The following DAZAP2 variants were observed in gnomAD, a reference collection of about 807,000 sequenced individuals.
DAZAP2 encodes the protein DAZ associated protein 2.
In DAZAP2, 3 loss-of-function variants were observed where a neutral mutation model predicts 16.2. The ratio of observed to expected loss-of-function variants is 0.19; its 90% CI spans 0.08 to 0.48. DAZAP2 has a LOEUF of 0.48. DAZAP2 is among the 20% of genes least tolerant of loss of function. The pLI is 0.98. For missense variants in DAZAP2, 172 were observed against 215.9 expected (o/e 0.80, Z 1.27); for synonymous variants, 69 against 77.6 (o/e 0.89, Z 0.58).
Position 51,238,977 on chromosome 12 carries a change from C to T in DAZAP2, c.13+57C>T, listed in dbSNP as rs919264342. 8.7e-6 allele frequency: 14 copies of T among 1,604,280 alleles called. No homozygotes were observed. In the Admixed American group the frequency reaches 1.2e-4, roughly 14 times the overall value. ...GGGAGTACTGCTGGCCCAGAGCGAG[C>T]GGATTCGGAGCCCAGGGTCACCAAA... is the stretch of plus-strand genomic sequence containing the variant. On this transcript the variant is annotated intron_variant, in intron 1 of 3. Coordinates refer to ENST00000412716, the MANE Select transcript of DAZAP2 (RefSeq NM_014764.4).
At chr12:51,246,604 C>CTGTGTGTGTGTGTGTGTGTG (rs59561227), downstream of DAZAP2, 13 of 338,116 alleles carry the variant, frequency 3.8e-5, no homozygotes, top group African/African-American at 1.6e-4. Flanking sequence ...TCTTTTATGG[C>CTGTGTGTGTGTGTGTGTGTG]TGTGTGTGTG....
Position 51,243,306 on chromosome 12 carries a change from G to T in DAZAP2, c.*848G>T. On this transcript the variant is annotated 3_prime_UTR_variant, in exon 4 of 4. Transcript: ENST00000412716. ...GAACAACAGTTGGTTTAAAATATGA[G>T]GGGCAAGGAGGAGGATGCATTTCAA... The T allele has an allele frequency of 1.0e-6, 1 of 985,834 alleles. No homozygotes were observed. The highest frequency in any genetic ancestry group is 1.2e-6 in the Non-Finnish European group (1 of 829,930). The allele number at this position is 985,834 out of a possible 1,614,324, so 61.1% of individuals were successfully genotyped here. A position where few individuals can be genotyped will look rare whatever the true frequency, so the allele number is the denominator to read the frequency against.
downstream of DAZAP2, chr12:51,246,466 C>T (rs1024698924): frequency 2.3e-6 from 1 of 429,248 alleles, no homozygotes; most frequent in East Asian, 3.6e-5. Context: ...CTTCCTCACC[C>T]ACTCAACCAA....
chr12:51,239,094 A>G, intron 1 of DAZAP2, 174 bp downstream of exon 1: 1 of 904,766 alleles, frequency 1.1e-6, no homozygotes, highest in Non-Finnish European at 1.6e-6. Context: ...AAATTACGGC[A>G]GCTTGCTGCC....
chr12:51,242,897 G>A lies in DAZAP2; in HGVS notation c.*439G>A, dbSNP rs900219048. 1.4e-5 allele frequency: 17 copies of A among 1,216,050 alleles called. No individual in the cohort carries two copies. The highest frequency in any genetic ancestry group is 2.5e-5 in the South Asian group (1 of 39,454). The allele number at this position is 1,216,050 out of a possible 1,614,324, so 75.3% of individuals were successfully genotyped here. A position where few individuals can be genotyped will look rare whatever the true frequency, so the allele number is the denominator to read the frequency against. ...ATATATTACTTGTTATAAATGGAAC[G>A]CATTAGTTGTCTGCCTTTTCCTTTC... On this transcript the variant is annotated 3_prime_UTR_variant, in exon 4 of 4. Coordinates refer to ENST00000412716, the MANE Select transcript of DAZAP2 (RefSeq NM_014764.4).
At chr12:51,239,150 C>A in intron 1 of DAZAP2, 1 of 565,468 alleles carries the variant, frequency 1.8e-6, no homozygotes, top group Non-Finnish European at 3.0e-6. Context: ...TTTGGAGCTG[C>A]GGGCTCGGGT....
intron 3 of DAZAP2, among the ~76,000 whole-genome samples, chr12:51,241,836 A>G (rs1944683224): frequency 6.6e-6 from 1 of 151,942 alleles, no homozygotes; most frequent in Non-Finnish European, 1.5e-5. Context: ...CAGGAGAATC[A>G]CTTGAACCTG....
In DAZAP2 at chr12:51,242,383, A is replaced by T; in HGVS notation, c.432A>T (p.Gly144=). The change falls in exon 4 of 4, where the codon GGA becomes GGT. Residue 144 remains glycine, a synonymous_variant. Transcript: ENST00000412716. ...CTGCTCAGCTTGCAGTCATGCAGGG[A>T]GCCAACGTCCTCGTAACTCAGCGGA... ...PNAAQLAVMQ[G]ANVLVTQRKG... 6.2e-7 allele frequency: 1 copy of T among 1,613,696 alleles called. No homozygotes were observed. Among genetic ancestry groups the T allele is most frequent in the Non-Finnish European group, 8.5e-7 (1 of 1,179,812 alleles).
chr12:51,243,733 G>A lies in DAZAP2; in HGVS notation c.*1275G>A, dbSNP rs978637806. The A allele has an allele frequency of 5.1e-6, 5 of 985,438 alleles. No individual in the cohort carries two copies. The highest frequency in any genetic ancestry group is 6.0e-6 in the Non-Finnish European group (5 of 829,684). The allele number at this position is 985,438 out of a possible 1,614,324, so 61.0% of individuals were successfully genotyped here. On this transcript the variant is annotated 3_prime_UTR_variant, in exon 4 of 4. Coordinates refer to ENST00000412716, the MANE Select transcript of DAZAP2 (RefSeq NM_014764.4). ...CTTGTGGAATTTTTATACTAAAAATGTAGAATAAAGACTATTTTGAAGATT... is the reference window on the plus strand; with the variant it reads ...CTTGTGGAATTTTTATACTAAAAATATAGAATAAAGACTATTTTGAAGATT...
At chr12:51,240,064 C>T (rs1438221616) in intron 1 of DAZAP2, 4 of 432,326 alleles carry the variant, frequency 9.3e-6, no homozygotes, top group Non-Finnish European at 1.3e-5. Flanking sequence ...TCCTGCATTC[C>T]GGAGGGAACT....
chr12:51,246,103 G>A (rs760973652), downstream of DAZAP2: 8 of 1,613,906 alleles, frequency 5.0e-6, no homozygotes, highest in Non-Finnish European at 6.8e-6. Context: ...GGGTGAGGAA[G>A]ACAACGGTGA....
At chr12:51,243,962 A>C (rs780699681), downstream of DAZAP2, 17 of 975,430 alleles carry the variant, frequency 1.7e-5, no homozygotes, top group Non-Finnish European at 1.9e-5. Context: ...ATTCCATTCC[A>C]GATGTTCAAC....
intron 1 of DAZAP2, chr12:51,239,182 G>A (rs1366967007): frequency 1.6e-5 from 8 of 504,326 alleles, no homozygotes; most frequent in Non-Finnish European, 1.7e-5. Context: ...TTGACATGAT[G>A]GGCATCCGCA....
At chr12:51,245,420 AAAGG>A (rs1292500095), downstream of DAZAP2, 2 of 152,862 alleles carry the variant, frequency 1.3e-5, no homozygotes, top group Non-Finnish European at 2.9e-5. Flanking sequence ...GGGAACACGG[AAAGG>A]AAGGGCTCAG....
rs749383352 is a variant in DAZAP2, at chr12:51,242,478, T to C, written c.*20T>C. 6 of 1,613,956 alleles carry C rather than the reference T, an allele frequency of 3.7e-6. No individual in the cohort carries two copies. The highest frequency in any genetic ancestry group is 5.1e-6 in the Non-Finnish European group (6 of 1,180,038). On this transcript the variant is annotated 3_prime_UTR_variant, in exon 4 of 4. Coordinates refer to ENST00000412716, the MANE Select transcript of DAZAP2 (RefSeq NM_014764.4). ...TGGTGAGGAACCAAGGCCACCTCTGTGCCGGGAAAGACATCACATACCTTC... is the reference window on the plus strand; with the variant it reads ...TGGTGAGGAACCAAGGCCACCTCTGCGCCGGGAAAGACATCACATACCTTC...
rs747844108 is a variant in DAZAP2, at chr12:51,240,853, C to T, written c.133-18C>T. 3.0e-5 allele frequency: 49 copies of T among 1,606,596 alleles called. No individual in the cohort carries two copies. The highest frequency in any genetic ancestry group is 1.2e-4 in the Admixed American group (7 of 59,802). Reference sequence around the variant, plus strand: ...ATGTCATAAAGTAACATTTTGCCTTCTCTTCTGCCTCTTCTAGCTCTATCG... The same window carrying T: ...ATGTCATAAAGTAACATTTTGCCTTTTCTTCTGCCTCTTCTAGCTCTATCG... On this transcript the variant is annotated intron_variant, in intron 2 of 3. Coordinates refer to ENST00000412716, the MANE Select transcript of DAZAP2 (RefSeq NM_014764.4).
Position 51,243,745 on chromosome 12 carries a change from C to T in DAZAP2, c.*1287C>T, listed in dbSNP as rs1944724661. On this transcript the variant is annotated 3_prime_UTR_variant, in exon 4 of 4. Coordinates refer to ENST00000412716, the MANE Select transcript of DAZAP2 (RefSeq NM_014764.4). ...TTATACTAAAAATGTAGAATAAAGA[C>T]TATTTTGAAGATTTGAATAAAGTGA... 1.0e-6 allele frequency: 1 copy of T among 985,480 alleles called. No homozygotes were observed. The highest frequency in any genetic ancestry group is 1.2e-6 in the Non-Finnish European group (1 of 829,744). The allele number at this position is 985,480 out of a possible 1,614,324, so 61.0% of individuals were successfully genotyped here.
Position 51,238,833 on chromosome 12 carries a change from A to T in DAZAP2, c.-75A>T, listed in dbSNP as rs1006225183. Reference sequence around the variant, plus strand: ...GCGGACGGACCATCATGTGACACGGAAGTAGCTCCGAACAGGAAGAGGACG... The same window carrying T: ...GCGGACGGACCATCATGTGACACGGTAGTAGCTCCGAACAGGAAGAGGACG... On this transcript the variant is annotated 5_prime_UTR_variant, in exon 1 of 4. Transcript: ENST00000412716. The T allele has an allele frequency of 1.2e-5, 20 of 1,609,782 alleles. No homozygotes were observed. Among genetic ancestry groups the T allele is most frequent in the African/African-American group, 4.0e-5 (3 of 74,842 alleles).
intron 1 of DAZAP2, 31 bp downstream of exon 1, chr12:51,238,951 G>A: frequency 6.2e-7 from 1 of 1,612,714 alleles, no homozygotes; most frequent in Non-Finnish European, 8.5e-7. Context: ...AGGCCGTCGG[G>A]GGGAGTACTG....
Sources: allele counts gnomAD v4.1 joint callset (sites outside exome capture counted in the v4.1 genomes callset), GRCh38; gene constraint gnomAD v4.1.1; transcripts MANE v1.5; gene names NCBI Gene and HGNC (gene_info 2026-07-23, HGNC 2026-07-21).